Variants in CCDC178 observed in about 807,000 individuals in gnomAD.
CCDC178 encodes coiled-coil domain-containing protein 178.
Under a neutral mutation model 117.4 loss-of-function variants are expected in CCDC178, and 126 were observed. The ratio of observed to expected loss-of-function variants is 1.07; its 90% CI spans 0.93 to 1.24. The LOEUF is 1.24. Ranked by LOEUF, CCDC178 falls within the 50% of genes most tolerant of loss-of-function variation. The probability of loss-of-function intolerance (pLI) is 0.00; values close to 1 mark genes in which losing one functional copy is unlikely to be tolerated. For synonymous variants in CCDC178, 283 were observed against 313.4 expected, an observed-to-expected ratio of 0.90 and a Z score of 1.02; for missense variants, 1,030 against 986.9, an observed-to-expected ratio of 1.04 and a Z score of -0.59.
intron 7 of CCDC178, among the ~76,000 whole-genome samples, chr18:33,350,164 T>C (rs1379832946): frequency 2.0e-5 from 3 of 152,090 alleles, no homozygotes; most frequent in Admixed American, 1.3e-4. Context: ...GCTGGCTTAA[T>C]ACCATTTACA....
intron 6 of CCDC178, among the ~76,000 whole-genome samples, chr18:33,368,144 T>A (rs578098896): frequency 1.3e-5 from 2 of 152,120 alleles, no homozygotes; most frequent in Non-Finnish European, 2.9e-5. Context: ...TGTGTACATA[T>A]AAGGTATTTG....
At chr18:33,377,777 T>A (rs537167007) in intron 5 of CCDC178, among the ~76,000 whole-genome samples, 3 of 152,154 alleles carry the variant, frequency 2.0e-5, no homozygotes, top group African/African-American at 7.2e-5. Flanking sequence ...GTTTTACTTC[T>A]AGGTTCTCCA....
At chr18:33,136,285 C>T (rs2058125135) in intron 20 of CCDC178, among the ~76,000 whole-genome samples, 1 of 152,136 alleles carries the variant, frequency 6.6e-6, no homozygotes, top group Admixed American at 6.5e-5. Flanking sequence ...AAAACTACTA[C>T]AAGAATAGCA....
At chr18:33,371,476 G>T (rs946698798) in intron 5 of CCDC178, among the ~76,000 whole-genome samples, 1 of 151,818 alleles carries the variant, frequency 6.6e-6, no homozygotes, top group Non-Finnish European at 1.5e-5. Flanking sequence ...ACTTGTCTAA[G>T]TCTACGGAAC....
intron 2 of CCDC178, among the ~76,000 whole-genome samples, chr18:33,430,083 T>G (rs773190812): frequency 6.6e-6 from 1 of 152,214 alleles, no homozygotes; most frequent in Non-Finnish European, 1.5e-5. Context: ...TTCAGATATA[T>G]CTGTATCTAC....
At chr18:33,394,369 T>C (rs538323459) in intron 4 of CCDC178, among the ~76,000 whole-genome samples, 28 of 152,126 alleles carry the variant, frequency 1.8e-4, no homozygotes, top group Middle Eastern at 3.4e-3. Flanking sequence ...AGAAAGGCAG[T>C]GAACCAAGCC....
At chr18:33,004,379 A>C (rs2055707140) in intron 21 of CCDC178, among the ~76,000 whole-genome samples, 1 of 152,226 alleles carries the variant, frequency 6.6e-6, no homozygotes, top group Admixed American at 6.5e-5. Context: ...AAGAACATAC[A>C]CCGAGGAAGA....
At chr18:33,420,685 A>G (rs1009047766) in intron 2 of CCDC178, among the ~76,000 whole-genome samples, 1 of 152,180 alleles carries the variant, frequency 6.6e-6, no homozygotes, top group Non-Finnish European at 1.5e-5. Context: ...ATTGAGTACT[A>G]CTAATATGCT....
intron 22 of CCDC178, among the ~76,000 whole-genome samples, chr18:32,972,195 A>C (rs1303525218): frequency 6.6e-6 from 1 of 152,114 alleles, no homozygotes; most frequent in East Asian, 1.9e-4. Flanking sequence ...TAATTTTTGT[A>C]TAAGGTGTAA....
intron 2 of CCDC178, among the ~76,000 whole-genome samples, chr18:33,414,615 A>G (rs1400655276): frequency 6.6e-6 from 1 of 152,234 alleles, no homozygotes; most frequent in Non-Finnish European, 1.5e-5. Flanking sequence ...AAACTTAGGC[A>G]TTACCATTCA....
chr18:33,017,045 A>G (rs573588079), intron 21 of CCDC178, among the ~76,000 whole-genome samples: 9 of 152,086 alleles, frequency 5.9e-5, no homozygotes, highest in African/African-American at 1.7e-4. Context: ...ATGGTCAAGA[A>G]AAAGACAATA....
At position 33,212,019 on chromosome 18, in the gene CCDC178, A is replaced by C. The variant is rs143104022; in HGVS notation, c.2115T>G (p.His705Gln). ...TATAATGATCAAACACAGTTTGTGC[A>C]TGTTCCCTTTTAAATCTCATAGTTA... is the stretch of plus-strand genomic sequence containing the variant. ...KFITMRFKREHAQTVFDHYMQ... is the reference protein window; with the variant it reads ...KFITMRFKREQAQTVFDHYMQ... The change falls in exon 20 of 23, where the codon CAT becomes CAG. Residue 705 changes from histidine to glutamine, a missense_variant. By Grantham distance (24) the His-to-Gln change is conservative (BLOSUM62 0). Transcript: ENST00000383096. The C allele has an allele frequency of 7.7e-5, 123 of 1,601,236 alleles. No individual in the cohort carries two copies. In the African/African-American group the frequency reaches 1.4e-3, roughly 18 times the overall value.
At chr18:33,291,994 G>T (rs778935299) in intron 12 of CCDC178, among the ~76,000 whole-genome samples, 1 of 150,230 alleles carries the variant, frequency 6.7e-6, no homozygotes, top group Non-Finnish European at 1.5e-5. Flanking sequence ...ACTGTGGAGT[G>T]GAGATCACAG....
rs191668357 is a variant in CCDC178 at position 33,374,611 on chromosome 18, C to T, written c.209-4422G>A. 5.3e-5 allele frequency among the ~76,000 whole-genome samples: 8 copies of T among 152,248 alleles called. No homozygotes were observed. In the East Asian group the frequency reaches 1.5e-3, roughly 29 times the overall value. On this transcript the variant is annotated intron_variant, in intron 5 of 22. Coordinates refer to ENST00000383096, the MANE Select transcript of CCDC178 (RefSeq NM_001105528.4). ...TAAAAGTTAAACTTACCATATTACT[C>T]AGCATTCCTCTTCTTTATATTTCCC... is the stretch of plus-strand genomic sequence containing the variant.
intron 4 of CCDC178, among the ~76,000 whole-genome samples, chr18:33,390,967 T>G (rs1393992522): frequency 6.6e-6 from 1 of 151,298 alleles, no homozygotes; most frequent in Non-Finnish European, 1.5e-5. Flanking sequence ...ATGTTAAACC[T>G]CACTAAAGCA....
At chr18:33,154,036 CTG>C (rs963093393) in intron 20 of CCDC178, among the ~76,000 whole-genome samples, 56 of 152,090 alleles carry the variant, frequency 3.7e-4, no homozygotes, top group African/African-American at 1.3e-3. Context: ...CTTTATGAAA[CTG>C]TAATTTCATA....
At chr18:33,231,487 T>C (rs1268844246) in intron 15 of CCDC178, among the ~76,000 whole-genome samples, 2 of 152,200 alleles carry the variant, frequency 1.3e-5, no homozygotes, top group African/African-American at 4.8e-5. Flanking sequence ...GTGCTCATTA[T>C]CTAATTATTG....
intron 21 of CCDC178, among the ~76,000 whole-genome samples, chr18:33,060,406 T>C (rs1437462577): frequency 1.3e-5 from 2 of 152,170 alleles, no homozygotes; most frequent in Non-Finnish European, 2.9e-5. Flanking sequence ...CTCTAAGATA[T>C]AAACATTGTC....
At chr18:33,265,851 T>C (rs957998237) in intron 14 of CCDC178, among the ~76,000 whole-genome samples, 1 of 151,972 alleles carries the variant, frequency 6.6e-6, no homozygotes, top group Non-Finnish European at 1.5e-5. Flanking sequence ...TCACTGTGAG[T>C]TCATGCCAGA....
Sources: allele counts gnomAD v4.1 joint callset (sites outside exome capture counted in the v4.1 genomes callset), GRCh38; gene constraint gnomAD v4.1.1; transcripts MANE v1.5; gene names NCBI Gene and HGNC (gene_info 2026-07-23, HGNC 2026-07-21).